The following RNLS variants were observed in gnomAD, a reference collection of about 807,000 sequenced individuals.
RNLS encodes renalase, FAD dependent amine oxidase, also known as renalase.
In RNLS, 39 loss-of-function variants were observed where a neutral mutation model predicts 39.8. The ratio of observed to expected loss-of-function variants is 0.98; its 90% CI spans 0.76 to 1.28. The LOEUF (loss-of-function observed/expected upper bound fraction) is 1.28. Ranked by LOEUF, RNLS falls within the 50% of genes most tolerant of loss-of-function variation. The pLI, the probability that RNLS is intolerant of heterozygous loss-of-function variation, is 0.00. For missense variants in RNLS, 410 were observed against 413.3 expected, an observed-to-expected ratio of 0.99 and a Z score of 0.07; for synonymous variants, 147 against 150.7, an observed-to-expected ratio of 0.98 and a Z score of 0.18.
the RNLS span, among the ~76,000 whole-genome samples, chr10:88,203,994 T>C: frequency 6.6e-6 from 1 of 152,158 alleles, no homozygotes; most frequent in Non-Finnish European, 1.5e-5. Context: ...TCTCATTTAA[T>C]GTTCACCACG....
chr10:88,274,867 C>G, exon 7 of RNLS: 1 of 903,862 alleles, frequency 1.1e-6, no homozygotes, highest in South Asian at 1.4e-5. Context: ...TTCTGTTTTG[C>G]TTCTAAATAA....
rs562411750 is a variant in RNLS at position 88,414,635 on chromosome 10, G to A, written c.527-51910C>T. The stretch of plus-strand genomic sequence containing the variant: ...AAGTTAACAATCAAATGTGGCCACT[G>A]GCAACCTTTTGGAGCTTTTTGACTC... On this transcript the variant is annotated intron_variant, in intron 4 of 6. Coordinates refer to ENST00000331772, the MANE Select transcript of RNLS (RefSeq NM_001031709.3). Among the ~76,000 whole-genome samples the A allele has an allele frequency of 7.2e-5, 11 of 152,226 alleles. 1 individual carries two copies. The South Asian group carries it at 2.1e-3, about 29-fold the overall frequency.
the RNLS span, among the ~76,000 whole-genome samples, chr10:88,266,717 ACACACACACACACACACACCC>A: frequency 6.6e-6 from 1 of 151,060 alleles, no homozygotes; most frequent in Non-Finnish European, 1.5e-5. Context: ...ACACACACAC[ACACACACACACACACACACCC>A]CACACACACC....
chr10:88,300,645 A>T (rs1844444830), intron 6 of RNLS, among the ~76,000 whole-genome samples: 2 of 152,174 alleles, frequency 1.3e-5, no homozygotes, highest in Admixed American at 1.3e-4. Context: ...TATCAGGATT[A>T]TGTGCTTATT....
chr10:88,540,694 T>C (rs1042852123), intron 4 of RNLS, among the ~76,000 whole-genome samples: 13 of 152,140 alleles, frequency 8.5e-5, no homozygotes, highest in African/African-American at 3.1e-4. Flanking sequence ...TTTTAAAGAA[T>C]TGTGGAATAA....
chr10:88,417,533 A>G (rs955590487), intron 4 of RNLS, among the ~76,000 whole-genome samples: 1 of 152,222 alleles, frequency 6.6e-6, no homozygotes, highest in Non-Finnish European at 1.5e-5. Context: ...AAAAAATGGT[A>G]TAACAGTGTG....
chr10:88,438,687 C>T (rs911564806), intron 4 of RNLS, among the ~76,000 whole-genome samples: 7 of 152,142 alleles, frequency 4.6e-5, no homozygotes, highest in African/African-American at 1.2e-4. Flanking sequence ...CTTTAAACAG[C>T]TGGCATAAGA....
At chr10:88,279,320 T>C (rs1315605738), downstream of RNLS, among the ~76,000 whole-genome samples, 1 of 152,198 alleles carries the variant, frequency 6.6e-6, no homozygotes, top group Non-Finnish European at 1.5e-5. Context: ...TATTTTACTA[T>C]TATAATAGTA....
intron 4 of RNLS, among the ~76,000 whole-genome samples, chr10:88,502,566 G>C (rs1283641716): frequency 3.3e-5 from 5 of 152,140 alleles, no homozygotes; most frequent in African/African-American, 7.2e-5. Context: ...GGACTTTTCA[G>C]CCAGCAGAAT....
chr10:88,292,338 C>T (rs935378615), intron 6 of RNLS, among the ~76,000 whole-genome samples: 1 of 151,604 alleles, frequency 6.6e-6, no homozygotes, highest in Admixed American at 6.6e-5. Flanking sequence ...AAGAGCTTAA[C>T]ATGGTAGAAA....
intron 4 of RNLS, among the ~76,000 whole-genome samples, chr10:88,533,173 T>C (rs974679180): frequency 6.6e-6 from 1 of 152,154 alleles, no homozygotes; most frequent in Non-Finnish European, 1.5e-5. Flanking sequence ...TTTAGTTTCA[T>C]TTTTCAAGTT....
At position 88,533,974 on chromosome 10, in the gene RNLS, A is replaced by G. The variant is rs980569331; in HGVS notation, c.526+38929T>C. The stretch of plus-strand genomic sequence containing the variant: ...CAAGACAAAGCCTTGAAAATTGCCT[A>G]TATTTTAGGAGGAGAGAGAAGAAAT... On this transcript the variant is annotated intron_variant, in intron 4 of 6. Coordinates refer to ENST00000331772, the MANE Select transcript of RNLS (RefSeq NM_001031709.3). 2.0e-5 allele frequency among the ~76,000 whole-genome samples: 3 copies of G among 152,122 alleles called. No homozygotes were observed. The East Asian group carries it at 5.8e-4, about 29-fold the overall frequency.
intron 4 of RNLS, among the ~76,000 whole-genome samples, chr10:88,452,264 T>C (rs1751249910): frequency 6.6e-6 from 1 of 152,226 alleles, no homozygotes; most frequent in Non-Finnish European, 1.5e-5. Context: ...CAAGTGGTCA[T>C]GATCTTGTTA....
At chr10:88,541,616 G>A (rs567955255) in intron 4 of RNLS, among the ~76,000 whole-genome samples, 22 of 152,074 alleles carry the variant, frequency 1.4e-4, no homozygotes, top group Non-Finnish European at 1.6e-4. Flanking sequence ...AGGAAATCAG[G>A]GTGAAAAGAT....
chr10:88,485,434 A>C (rs552550166), intron 4 of RNLS, among the ~76,000 whole-genome samples: 7 of 152,022 alleles, frequency 4.6e-5, no homozygotes, highest in African/African-American at 1.4e-4. Context: ...CATACCTGAC[A>C]CTATATATAA....
intron 5 of RNLS, among the ~76,000 whole-genome samples, chr10:88,330,969 A>G (rs1348443131): frequency 6.6e-6 from 1 of 152,222 alleles, no homozygotes; most frequent in Non-Finnish European, 1.5e-5. Flanking sequence ...ATTAAGTATT[A>G]TAACAGAAAC....
intron 5 of RNLS, among the ~76,000 whole-genome samples, chr10:88,358,653 C>T (rs1292651675): frequency 6.6e-6 from 1 of 152,240 alleles, no homozygotes; most frequent in Non-Finnish European, 1.5e-5. Context: ...GATATTGGGG[C>T]ATATTCATAA....
chr10:88,526,490 C>A (rs187719190), intron 4 of RNLS, among the ~76,000 whole-genome samples: 8 of 151,972 alleles, frequency 5.3e-5, no homozygotes, highest in Non-Finnish European at 1.2e-4. Context: ...TGGACAGGCA[C>A]GCTAGCTCAG....
chr10:88,385,975 C>A (rs1851837076), intron 4 of RNLS, among the ~76,000 whole-genome samples: 1 of 152,204 alleles, frequency 6.6e-6, no homozygotes, highest in African/African-American at 2.4e-5. Context: ...CCTGCTTGCA[C>A]AAAGTCCGAC....
Sources: gnomAD v4.1 joint callset for allele counts (sites outside exome capture counted in the v4.1 genomes callset) on GRCh38, gnomAD v4.1.1 for gene constraint, MANE v1.5 for transcripts, NCBI Gene and HGNC (gene_info 2026-07-23, HGNC 2026-07-21) for gene names.